Variants in APP observed in about 807,000 individuals in gnomAD.
APP encodes the protein amyloid beta precursor protein.
Under a neutral mutation model 101.4 loss-of-function variants are expected in APP, and 31 were observed. That is an observed-to-expected ratio of 0.31 (90% CI 0.23 to 0.41). The LOEUF is 0.41. Ranked by LOEUF, APP falls within the 10% of genes least tolerant of loss-of-function variation. The probability of loss-of-function intolerance (pLI) is 1.00; values close to 1 mark genes in which losing one functional copy is unlikely to be tolerated. For missense variants in APP, 839 were observed against 1,003.7 expected (o/e 0.84, Z 2.22); for synonymous variants, 366 against 364.4 (o/e 1.00, Z -0.05).
chr21:25,964,226 C>A (rs2146526401), intron 11 of APP, among the ~76,000 whole-genome samples: 1 of 152,286 alleles, frequency 6.6e-6, no homozygotes. Context: ...ATCATCTGTT[C>A]TCTCCTTCCC....
At chr21:26,097,042 A>G (rs1412375064) in intron 2 of APP, among the ~76,000 whole-genome samples, 1 of 152,196 alleles carries the variant, frequency 6.6e-6, no homozygotes, top group African/African-American at 2.4e-5. Context: ...GTCCCCTTCA[A>G]TAAGCCCTAT....
In APP at chr21:25,949,814, G is replaced by A. The variant is rs376430280; in HGVS notation, c.1687+4776C>T. Among the ~76,000 whole-genome samples the A allele has an allele frequency of 5.9e-5, 9 of 152,334 alleles. No individual in the cohort carries two copies. In the East Asian group the frequency reaches 1.7e-3, roughly 29 times the overall value. On this transcript the variant is annotated intron_variant, in intron 13 of 17. Transcript: ENST00000346798. ...TTAAGTAGGGGAAAATTCCACTTCA[G>A]AGAGGAAAATAGGCAGCAGAAAGAA...
At chr21:25,888,941 A>C (rs1377303587) in intron 17 of APP, among the ~76,000 whole-genome samples, 1 of 152,180 alleles carries the variant, frequency 6.6e-6, no homozygotes, top group Admixed American at 6.5e-5. Context: ...TGCACATCTC[A>C]TTCATTTGGG....
intron 8 of APP, among the ~76,000 whole-genome samples, chr21:25,983,118 G>C (rs1309883545): frequency 6.6e-6 from 1 of 152,184 alleles, no homozygotes; most frequent in African/African-American, 2.4e-5. Context: ...TTGTCAAAAA[G>C]AAAGTGATTT....
chr21:25,944,043 C>T (rs2040699593), intron 13 of APP, among the ~76,000 whole-genome samples: 1 of 152,004 alleles, frequency 6.6e-6, no homozygotes, highest in Admixed American at 6.5e-5. Flanking sequence ...TGCCCCCCCC[C>T]AACCAAAAGC....
intron 17 of APP, among the ~76,000 whole-genome samples, chr21:25,885,117 A>G (rs2037238157): frequency 6.6e-6 from 1 of 152,244 alleles, no homozygotes; most frequent in African/African-American, 2.4e-5. Flanking sequence ...CTTAGGAGCT[A>G]CAGAAGAAGG....
chr21:25,912,615 C>G (rs2039136505), intron 13 of APP, among the ~76,000 whole-genome samples: 2 of 152,150 alleles, frequency 1.3e-5, no homozygotes, highest in African/African-American at 4.8e-5. Flanking sequence ...GACATCCAGC[C>G]TTCTCTGGAC....
intron 11 of APP, among the ~76,000 whole-genome samples, chr21:25,968,931 C>T (rs531638990): frequency 7.2e-5 from 11 of 152,066 alleles, no homozygotes; most frequent in South Asian, 4.1e-4. Flanking sequence ...TTTCCAGGCA[C>T]GGTGGTTAAG....
At chr21:26,116,549 G>C (rs1398702388) in intron 1 of APP, among the ~76,000 whole-genome samples, 1 of 152,124 alleles carries the variant, frequency 6.6e-6, no homozygotes, top group Non-Finnish European at 1.5e-5. Flanking sequence ...TCTCCAAAAA[G>C]TTTCTCTCTG....
Position 25,996,580 on chromosome 21 carries a change from C to A in APP, c.1090+780G>T, listed in dbSNP as rs45464095. On this transcript the variant is annotated intron_variant, in intron 8 of 17. Coordinates refer to ENST00000346798, the MANE Select transcript of APP (RefSeq NM_000484.4). The stretch of plus-strand genomic sequence containing the variant: ...ATGGTAACCTTTGCTCTCTTTCTTC[C>A]CACCAGGCACTCCCTGCACAGCGCT... Among the ~76,000 whole-genome samples, 314 of 152,244 alleles carry A rather than the reference C, an allele frequency of 2.1e-3. 1 individual carries two copies. Among genetic ancestry groups the A allele is most frequent in the African/African-American group, 7.3e-3 (302 of 41,548 alleles).
At chr21:26,059,781 C>T (rs2046192917) in intron 3 of APP, among the ~76,000 whole-genome samples, 1 of 151,236 alleles carries the variant, frequency 6.6e-6, no homozygotes. Flanking sequence ...ATCCCAGCTA[C>T]TCAGTAGGCT....
chr21:26,113,881 C>CA (rs2062380035), intron 1 of APP, among the ~76,000 whole-genome samples: 1 of 152,136 alleles, frequency 6.6e-6, no homozygotes, highest in Non-Finnish European at 1.5e-5. Flanking sequence ...AATAACACTG[C>CA]AAAAACATTA....
intron 13 of APP, among the ~76,000 whole-genome samples, chr21:25,929,676 C>A (rs2040057547): frequency 6.6e-6 from 1 of 152,116 alleles, no homozygotes; most frequent in Non-Finnish European, 1.5e-5. Context: ...ACGTCTATAA[C>A]AGTATCACAT....
At chr21:25,954,261 A>G (rs1214429670) in intron 13 of APP, among the ~76,000 whole-genome samples, 1 of 152,208 alleles carries the variant, frequency 6.6e-6, no homozygotes, top group Non-Finnish European at 1.5e-5. Context: ...CATTAATTGT[A>G]AAGTACCAAA....
chr21:26,160,676 A>T (rs2063471090), intron 1 of APP, among the ~76,000 whole-genome samples: 3 of 152,216 alleles, frequency 2.0e-5, no homozygotes, highest in Admixed American at 2.0e-4. Flanking sequence ...GCCAAAAAAA[A>T]AGACAATGAC....
intron 13 of APP, among the ~76,000 whole-genome samples, chr21:25,947,775 GGCAGACCACCT>G (rs1473454267): frequency 6.6e-6 from 1 of 151,964 alleles, no homozygotes; most frequent in Admixed American, 6.6e-5. Context: ...GGCCAAGATG[GGCAGACCACCT>G]GAGATCAGGA....
chr21:25,997,485 C>G, intron 7 of APP, 69 bp from the exon 8 acceptor site: 2 of 1,387,152 alleles, frequency 1.4e-6, no homozygotes, highest in African/African-American at 1.4e-5. Flanking sequence ...CTGAAATGCA[C>G]GAGTCCACTG....
chr21:26,015,029 T>C (rs940218731), intron 6 of APP, among the ~76,000 whole-genome samples: 1 of 152,242 alleles, frequency 6.6e-6, no homozygotes, highest in African/African-American at 2.4e-5. Context: ...TAAGTGCAGA[T>C]ATTTCAATAT....
At chr21:26,093,527 G>A (rs1229348383) in intron 2 of APP, among the ~76,000 whole-genome samples, 2 of 152,176 alleles carry the variant, frequency 1.3e-5, no homozygotes, top group Non-Finnish European at 2.9e-5. Context: ...CATGTTGGTT[G>A]CATACCATCT....
Sources: allele counts gnomAD v4.1 joint callset (sites outside exome capture counted in the v4.1 genomes callset), GRCh38; gene constraint gnomAD v4.1.1; transcripts MANE v1.5; gene names NCBI Gene and HGNC (gene_info 2026-07-23, HGNC 2026-07-21).